The following PRMT9 variants were observed in gnomAD, a reference collection of about 807,000 sequenced individuals.
The protein encoded by PRMT9 is protein arginine N-methyltransferase 9.
A neutral mutation model predicts 83.2 loss-of-function variants in PRMT9; 59 were observed. The ratio of observed to expected loss-of-function variants is 0.71; its 90% CI spans 0.57 to 0.88. The LOEUF is 0.88. Ranked by LOEUF, PRMT9 falls within the 40% of genes least tolerant of loss-of-function variation. PRMT9 has a pLI of 0.00. For synonymous variants in PRMT9, 333 were observed against 353.2 expected (o/e 0.94, Z 0.64); for missense variants, 947 against 1,021.9 (o/e 0.93, Z 1.00).
intron 10 of PRMT9, chr4:147,639,425 G>T: frequency 3.8e-6 from 1 of 264,086 alleles, no homozygotes; most frequent in Non-Finnish European, 7.4e-6. Flanking sequence ...TTAACCCAAG[G>T]ATTTGCTTAT....
intron 9 of PRMT9, among the ~76,000 whole-genome samples, chr4:147,653,182 T>G (rs1477894421): frequency 6.6e-6 from 1 of 152,128 alleles, no homozygotes; most frequent in Admixed American, 6.5e-5. Flanking sequence ...GCATGGTGGC[T>G]CATGCCTATA....
At chr4:147,681,440 G>A (rs184813212) in intron 1 of PRMT9, among the ~76,000 whole-genome samples, 121 of 152,266 alleles carry the variant, frequency 7.9e-4, no homozygotes, top group African/African-American at 2.3e-3. Flanking sequence ...ATACAAAAGC[G>A]TTGATATTTG....
chr4:147,649,537 T>G (rs539742629), intron 9 of PRMT9, among the ~76,000 whole-genome samples: 1 of 152,296 alleles, frequency 6.6e-6, no homozygotes, highest in African/African-American at 2.4e-5. Flanking sequence ...GTTTCACTCT[T>G]GTTGCCCAGA....
intron 8 of PRMT9, among the ~76,000 whole-genome samples, chr4:147,656,293 G>A (rs1311214613): frequency 6.6e-6 from 1 of 152,006 alleles, no homozygotes; most frequent in Non-Finnish European, 1.5e-5. Context: ...GTTTTTCTGT[G>A]TGTGTGCGTG....
At chr4:147,647,525 CTT>C (rs111868573) in intron 9 of PRMT9, among the ~76,000 whole-genome samples, 10 of 141,456 alleles carry the variant, frequency 7.1e-5, no homozygotes, top group Non-Finnish European at 7.8e-5. Flanking sequence ...TTACACTTTT[CTT>C]TTTTTTTTTT....
chr4:147,669,183 G>A (rs1428648143), intron 5 of PRMT9, among the ~76,000 whole-genome samples: 1 of 151,998 alleles, frequency 6.6e-6, no homozygotes, highest in Admixed American at 6.6e-5. Flanking sequence ...GAGGCCAGGA[G>A]TTTGAGACCA....
intron 9 of PRMT9, among the ~76,000 whole-genome samples, chr4:147,643,771 G>A (rs184293902): frequency 6.6e-6 from 1 of 152,172 alleles, no homozygotes; most frequent in Non-Finnish European, 1.5e-5. Context: ...AAGGTGAGAG[G>A]ATTGCTTGAG....
intron 5 of PRMT9, 101 bp downstream of exon 5, chr4:147,670,540 A>G: frequency 1.1e-6 from 1 of 929,012 alleles, no homozygotes; most frequent in Non-Finnish European, 1.8e-6. Flanking sequence ...TGGCAATGGA[A>G]AATATATTTC....
At chr4:147,667,463 C>CTAAT (rs1735418803) in intron 6 of PRMT9, among the ~76,000 whole-genome samples, 1 of 152,138 alleles carries the variant, frequency 6.6e-6, no homozygotes, top group Admixed American at 6.6e-5. Context: ...TTAAATGGAA[C>CTAAT]TAATATTCAA....
chr4:147,658,087 G>A (rs1734664327), intron 7 of PRMT9, 112 bp from the exon 8 acceptor site: 3 of 749,814 alleles, frequency 4.0e-6, no homozygotes, highest in Admixed American at 4.2e-5. Flanking sequence ...GCTCCCTTAG[G>A]GATTCAGTAT....
At chr4:147,663,327 CAAAATT>C (rs1349499148) in intron 6 of PRMT9, among the ~76,000 whole-genome samples, 1 of 151,202 alleles carries the variant, frequency 6.6e-6, no homozygotes. Context: ...TTCAATAACT[CAAAATT>C]AAAAGTCACA....
chr4:147,683,125 A>G (rs534181393), intron 1 of PRMT9, among the ~76,000 whole-genome samples: 1 of 152,360 alleles, frequency 6.6e-6, no homozygotes, highest in South Asian at 2.1e-4. Flanking sequence ...TCATTAAATG[A>G]TAATCACTTT....
At chr4:147,653,743 G>T in intron 9 of PRMT9, 109 bp downstream of exon 9, 1 of 768,966 alleles carries the variant, frequency 1.3e-6, no homozygotes, top group Non-Finnish European at 2.1e-6. Flanking sequence ...GGAGCATACA[G>T]TGATCTTGAC....
intron 2 of PRMT9, 122 bp downstream of exon 2, chr4:147,680,196 ATTCTT>A (rs1217636423): frequency 4.5e-6 from 4 of 881,292 alleles, no homozygotes; most frequent in Non-Finnish European, 7.4e-6. Context: ...TATATCTGCT[ATTCTT>A]TTCAATTCTC....
chr4:147,639,794 G>A (rs1733257333), intron 10 of PRMT9, among the ~76,000 whole-genome samples: 1 of 151,968 alleles, frequency 6.6e-6, no homozygotes, highest in African/African-American at 2.4e-5. Context: ...CTTGTATAAG[G>A]CGAAACAGGA....
chr4:147,668,509 A>G, intron 6 of PRMT9, 30 bp downstream of exon 6: 1 of 1,251,302 alleles, frequency 8.0e-7, no homozygotes. Flanking sequence ...GGTGCTTTAT[A>G]GCAGTGTGAA....
At chr4:147,645,004 ATCATATGTACATT>A (rs1345287637) in intron 9 of PRMT9, among the ~76,000 whole-genome samples, 2 of 152,246 alleles carry the variant, frequency 1.3e-5, no homozygotes, top group African/African-American at 4.8e-5. Flanking sequence ...ACTTTATATT[ATCATATGTACATT>A]TCACAGTATG....
chr4:147,657,747 G>C (rs375831350), intron 8 of PRMT9, 45 bp downstream of exon 8: 13 of 1,462,152 alleles, frequency 8.9e-6, no homozygotes, highest in Non-Finnish European at 1.2e-5. Flanking sequence ...TGAATACTTA[G>C]AAGATTAAAG....
At chr4:147,653,208 G>A (rs1734234793) in intron 9 of PRMT9, among the ~76,000 whole-genome samples, 1 of 152,094 alleles carries the variant, frequency 6.6e-6, no homozygotes, top group African/African-American at 2.4e-5. Context: ...AGCACTTTGG[G>A]AGGTCAAGGG....
Sources: gnomAD v4.1 joint callset for allele counts (sites outside exome capture counted in the v4.1 genomes callset) on GRCh38, gnomAD v4.1.1 for gene constraint, MANE v1.5 for transcripts, NCBI Gene and HGNC (gene_info 2026-07-23, HGNC 2026-07-21) for gene names.